Variants in NFATC3 observed in about 807,000 individuals in gnomAD.
The protein encoded by NFATC3 is nuclear factor of activated T cells 3.
In NFATC3, 46 loss-of-function variants were observed where a neutral mutation model predicts 98.6. The ratio of observed to expected loss-of-function variants is 0.47; its 90% CI spans 0.37 to 0.60. The LOEUF (loss-of-function observed/expected upper bound fraction) is 0.60, where lower values mean the gene tolerates loss of function less well. NFATC3 is among the 20% of genes least tolerant of loss of function. NFATC3 has a pLI of 0.00. For synonymous variants in NFATC3, 512 were observed against 472.2 expected (o/e 1.08, Z -1.09); for missense variants, 1,256 against 1,295.5 (o/e 0.97, Z 0.47).
intron 1 of NFATC3, chr16:68,089,394 C>A: frequency 1.4e-6 from 1 of 695,910 alleles, no homozygotes; most frequent in Non-Finnish European, 1.8e-6. Context: ...AGATTTTTTT[C>A]CATTAAAGAA....
intron 3 of NFATC3, among the ~76,000 whole-genome samples, chr16:68,140,724 G>A (rs1273155113): frequency 6.6e-6 from 1 of 152,072 alleles, no homozygotes. Flanking sequence ...AGTGACTGCA[G>A]AAAGTTATCT....
At chr16:68,198,921 G>A (rs1337046255) in intron 9 of NFATC3, among the ~76,000 whole-genome samples, 2 of 152,084 alleles carry the variant, frequency 1.3e-5, no homozygotes, top group African/African-American at 2.4e-5. Flanking sequence ...GGTGGTGCGT[G>A]CCTGTAGTCC....
In NFATC3 at chr16:68,098,536, G is replaced by T. The variant is rs1018234139; in HGVS notation, c.103+12752G>T. ...AGGATGGTCACAATCTCCTGAGCTC[G>T]TGATCCACCCGCCTCAGCGTCCCAA... On this transcript the variant is annotated intron_variant, in intron 1 of 9. Transcript: ENST00000346183. Among the ~76,000 whole-genome samples, 12 of 152,050 alleles carry T rather than the reference G, an allele frequency of 7.9e-5. No homozygotes were observed. In the South Asian group the frequency reaches 2.5e-3, roughly 32 times the overall value.
chr16:68,205,769 TA>T (rs1314368579), intron 9 of NFATC3, among the ~76,000 whole-genome samples: 1 of 152,222 alleles, frequency 6.6e-6, no homozygotes, highest in African/African-American at 2.4e-5. Context: ...ATTTCCCATG[TA>T]ATATAGAATC....
chr16:68,103,689 G>A (rs2035490664), intron 1 of NFATC3, among the ~76,000 whole-genome samples: 1 of 152,106 alleles, frequency 6.6e-6, no homozygotes, highest in South Asian at 2.1e-4. Flanking sequence ...CTTATATTTA[G>A]GTTGTTGATC....
At position 68,122,669 on chromosome 16, in the gene NFATC3, A is replaced by G; in HGVS notation, c.786A>G (p.Gly262=). 3 of 1,614,108 alleles carry G rather than the reference A, an allele frequency of 1.9e-6. No individual in the cohort carries two copies. Among genetic ancestry groups the G allele is most frequent in the African/African-American group, 1.3e-5 (1 of 75,038 alleles). Reference sequence around the variant, plus strand: ...GGCTGAGCCCCAGGCCAGCCTCAGGACCCTCATCAAGGCCCACATCCCCCT... The same window carrying G: ...GGCTGAGCCCCAGGCCAGCCTCAGGGCCCTCATCAAGGCCCACATCCCCCT... The part of the protein sequence containing the change: ...ENWLSPRPAS[G]PSSRPTSPCG... Residue 262 remains glycine (G), a synonymous_variant, in exon 2 of 10, where the codon GGA becomes GGG. Coordinates refer to ENST00000346183, the MANE Select transcript of NFATC3 (RefSeq NM_173165.3).
chr16:68,173,725 G>A (rs1225426176), intron 5 of NFATC3, among the ~76,000 whole-genome samples: 2 of 152,060 alleles, frequency 1.3e-5, no homozygotes, highest in South Asian at 2.1e-4. Flanking sequence ...AGATTTTAAC[G>A]GATAGTTGCA....
chr16:68,182,569 G>A (rs2039992950), intron 7 of NFATC3, among the ~76,000 whole-genome samples: 1 of 152,096 alleles, frequency 6.6e-6, no homozygotes, highest in Non-Finnish European at 1.5e-5. Context: ...CGTGCAGGCT[G>A]GAGTGCAGTG....
chr16:68,185,814 G>A (rs1481996535), intron 8 of NFATC3, among the ~76,000 whole-genome samples: 1 of 132,830 alleles, frequency 7.5e-6, no homozygotes, highest in Non-Finnish European at 1.5e-5. Context: ...AGTGAGCCGA[G>A]ATCGCACCAC....
chr16:68,183,274 A>C lies in NFATC3; in HGVS notation c.2006A>C (p.Asn669Thr). 6.2e-7 allele frequency: 1 copy of C among 1,605,646 alleles called. No homozygotes were observed. The highest frequency in any genetic ancestry group is 8.5e-7 in the Non-Finnish European group (1 of 1,177,538). Residue 669 changes from asparagine to threonine, a missense_variant, in exon 8 of 10, where the codon AAC becomes ACC. This residue lies in a region of NFATC3 where 636 missense variants were observed against 617.3 expected (regional missense o/e 1.03). Transcript: ENST00000346183. ...HIVLEVPPYH[N>T]PAVTAAVQVH... ...GTCCTTGAAGTTCCTCCATATCATA[A>C]CCCAGCAGTTACAGCTGCAGTGCAG...
At chr16:68,204,381 A>G (rs536988954) in intron 9 of NFATC3, among the ~76,000 whole-genome samples, 10 of 152,318 alleles carry the variant, frequency 6.6e-5, no homozygotes, top group African/African-American at 2.4e-4. Context: ...AAAAATGGTA[A>G]TGAATTATGG....
In NFATC3 at chr16:68,122,252, A is replaced by AT; in HGVS notation, c.371dup (p.Leu124PhefsTer5). The AT allele has an allele frequency of 6.2e-7, 1 of 1,614,174 alleles. No individual in the cohort carries two copies. The highest frequency in any genetic ancestry group is 1.7e-5 in the Admixed American group (1 of 60,014). On this transcript the variant is annotated frameshift_variant, in exon 2 of 10. Coordinates refer to ENST00000346183, the MANE Select transcript of NFATC3 (RefSeq NM_173165.3). LOFTEE classifies it high-confidence loss of function. Reference sequence around the variant, plus strand: ...CTATCTCTCCTAACTGTCATCAAGAATTAGATGCACATGAAGATGACCTAC... The same window carrying AT: ...CTATCTCTCCTAACTGTCATCAAGAATTTAGATGCACATGAAGATGACCTAC...
chr16:68,138,815 C>A (rs1308204546), intron 3 of NFATC3: 1 of 1,234,156 alleles, frequency 8.1e-7, no homozygotes, highest in Non-Finnish European at 1.0e-6. Flanking sequence ...TTCTATGCCA[C>A]ATGCTCCACA....
intron 1 of NFATC3, 76 bp downstream of exon 1, chr16:68,085,860 C>T (rs1638315160): frequency 1.8e-6 from 2 of 1,130,312 alleles, no homozygotes; most frequent in South Asian, 1.8e-5. Context: ...CTCCCTGTTC[C>T]CTTGGATGAC....
chr16:68,124,421 T>C (rs982877135), intron 2 of NFATC3, among the ~76,000 whole-genome samples: 1 of 115,396 alleles, frequency 8.7e-6, no homozygotes, highest in Admixed American at 1.1e-4. Context: ...CAGGGGTTTT[T>C]CTTTTCTTTC....
intron 5 of NFATC3, among the ~76,000 whole-genome samples, chr16:68,173,797 T>C (rs187026344): frequency 1.3e-5 from 2 of 151,858 alleles, no homozygotes; most frequent in Non-Finnish European, 2.9e-5. Flanking sequence ...TGTGTTGGAG[T>C]CAGTATGAAG....
chr16:68,168,072 G>A (rs1338425772), intron 5 of NFATC3, among the ~76,000 whole-genome samples: 2 of 151,910 alleles, frequency 1.3e-5, no homozygotes, highest in Non-Finnish European at 2.9e-5. Flanking sequence ...GACCTCAGGT[G>A]ATCCACCCGC....
chr16:68,190,794 G>A lies in NFATC3; in HGVS notation c.2125G>A (p.Glu709Lys). 6.2e-7 allele frequency: 1 copy of A among 1,608,934 alleles called. No individual in the cohort carries two copies. The highest frequency in any genetic ancestry group is 8.5e-7 in the Non-Finnish European group (1 of 1,176,396). The change falls in exon 9 of 10, where the codon GAG (glutamate) becomes AAG (lysine). Residue 709 changes from glutamate (E) to lysine (K), a missense_variant. Around this residue, in one of 3 missense-constraint regions of NFATC3, gnomAD observed 636 missense variants for 617.3 expected, o/e 1.03. Coordinates refer to ENST00000346183, the MANE Select transcript of NFATC3 (RefSeq NM_173165.3). ...PVLMKQEHRE[E>K]IDLSSVPSLP... is the part of the protein sequence containing the mutation. ...TTTGATGAAGCAAGAACACAGAGAA[G>A]AGATTGATTTGTCTTCAGTTCCATC...
intron 1 of NFATC3, among the ~76,000 whole-genome samples, chr16:68,121,672 C>CAA (rs34100394): frequency 1.4e-5 from 1 of 73,436 alleles, no homozygotes; most frequent in African/African-American, 4.8e-5. Flanking sequence ...GACCCTGTCT[C>CAA]AAAAAAAAAA....
Sources: allele counts gnomAD v4.1 joint callset (sites outside exome capture counted in the v4.1 genomes callset), GRCh38; gene constraint gnomAD v4.1.1; regional missense constraint gnomAD v4.1.1; transcripts MANE v1.5; gene names NCBI Gene and HGNC (gene_info 2026-07-23, HGNC 2026-07-21).